Variants in HECTD4 observed in about 807,000 individuals in gnomAD.
The protein encoded by HECTD4 is HECT domain E3 ubiquitin protein ligase 4.
Under a neutral mutation model 471.5 loss-of-function variants are expected in HECTD4, and 114 were observed. The ratio of observed to expected loss-of-function variants is 0.24; its 90% confidence interval spans 0.21 to 0.28. The LOEUF (loss-of-function observed/expected upper bound fraction) is 0.28. HECTD4 is among the 10% of genes least tolerant of loss of function. The pLI is 1.00. For synonymous variants in HECTD4, 2,012 were observed against 2,256.0 expected (o/e 0.89, Z 3.07); for missense variants, 3,866 against 5,651.5 (o/e 0.68, Z 10.13).
chr12:112,164,387 G>A (rs1484642127), intron 72 of HECTD4, 112 bp from the exon 73 acceptor site: 7 of 1,096,090 alleles, frequency 6.4e-6, no homozygotes, highest in East Asian at 4.8e-5. Context: ...ACCCTCGGCC[G>A]TGTAGATGAG....
intron 60 of HECTD4, among the ~76,000 whole-genome samples, chr12:112,187,556 T>C (rs887347438): frequency 6.7e-6 from 1 of 148,876 alleles, no homozygotes; most frequent in Non-Finnish European, 1.5e-5. Flanking sequence ...TTTTTATGGG[T>C]ACCTGTTAGT....
intron 43 of HECTD4, among the ~76,000 whole-genome samples, chr12:112,227,552 C>A (rs1273580602): frequency 6.6e-6 from 1 of 152,220 alleles, no homozygotes; most frequent in African/African-American, 2.4e-5. Flanking sequence ...CCAACACCAA[C>A]CCCTGTGTGC....
chr12:112,302,771 G>A (rs2035191304), intron 7 of HECTD4: 4 of 289,142 alleles, frequency 1.4e-5, no homozygotes, highest in African/African-American at 6.6e-5. Flanking sequence ...TTGGTAGTCT[G>A]CTCTTTTTGT....
rs1414670819 is a variant in HECTD4, at chr12:112,243,408, C to T, written c.4903G>A (p.Gly1635Arg). The T allele has an allele frequency of 5.6e-6, 9 of 1,612,398 alleles. No homozygotes were observed. The highest frequency in any genetic ancestry group is 1.1e-5 in the South Asian group (1 of 90,704). ...RELLTAAVRV[G>R]GVTHLVGPVT... Reference sequence around the variant, plus strand: ...GGACCCACAAGATGCGTCACTCCCCCGACTCGTACGGCAGCTGTCAGCAAT... The same window carrying T: ...GGACCCACAAGATGCGTCACTCCCCTGACTCGTACGGCAGCTGTCAGCAAT... The change falls in exon 32 of 76, where the codon GGG becomes AGG. Residue 1635 changes from glycine (G) to arginine (R), a missense_variant. Around this residue, in one of 16 missense-constraint regions of HECTD4, gnomAD observed 229 missense variants for 386.4 expected, o/e 0.59. Transcript: ENST00000682272. The surrounding 1 kb of genome is among the most constrained non-coding windows in gnomAD (Gnocchi z 6.6).
intron 18 of HECTD4, among the ~76,000 whole-genome samples, chr12:112,260,166 G>A (rs1420583549): frequency 6.6e-6 from 1 of 151,934 alleles, no homozygotes. Context: ...TCTACTTTCT[G>A]TCTCTATGAT....
intron 1 of HECTD4, among the ~76,000 whole-genome samples, chr12:112,373,378 C>CA (rs1402894277): frequency 1.3e-5 from 2 of 151,878 alleles, no homozygotes; most frequent in Non-Finnish European, 2.9e-5. Context: ...ACTAAAAATA[C>CA]AAAAAATAGC....
rs2036909984 is a variant in HECTD4, at chr12:112,382,271, G to A, written c.-143C>T. 5.8e-6 allele frequency: 4 copies of A among 690,034 alleles called. No homozygotes were observed. The highest frequency in any genetic ancestry group is 7.9e-6 in the Non-Finnish European group (4 of 503,846). The allele number at this position is 690,034 out of a possible 1,614,324, so 42.7% of individuals were successfully genotyped here. ...CTTGCTGCCTCGCCCGTGCAACTCC[G>A]CCCTAGGCGGTCCGAGTCGCCATAC... On this transcript the variant is annotated 5_prime_UTR_variant, in exon 1 of 76. Transcript: ENST00000682272.
At chr12:112,335,137 C>T (rs2035924765) in intron 1 of HECTD4, among the ~76,000 whole-genome samples, 1 of 151,106 alleles carries the variant, frequency 6.6e-6, no homozygotes, top group Admixed American at 6.6e-5. Context: ...GATAAAGAAA[C>T]TGTGATACAC....
chr12:112,257,381 G>A (rs1166921617), intron 20 of HECTD4, among the ~76,000 whole-genome samples: 1 of 152,148 alleles, frequency 6.6e-6, no homozygotes, highest in Non-Finnish European at 1.5e-5. Context: ...TGCTGCTCTA[G>A]AGAAACCCAG....
intron 70 of HECTD4, among the ~76,000 whole-genome samples, chr12:112,168,944 A>G (rs1466132424): frequency 6.6e-6 from 1 of 152,156 alleles, no homozygotes; most frequent in Non-Finnish European, 1.5e-5. Context: ...GTGGGGGCAG[A>G]TCAGAGGAAA....
chr12:112,175,957 C>A (rs1338789400), intron 65 of HECTD4, 98 bp from the exon 66 acceptor site: 2 of 1,452,258 alleles, frequency 1.4e-6, no homozygotes, highest in Admixed American at 4.0e-5. Flanking sequence ...CCCCTACGGC[C>A]CAACCCATCT....
At chr12:112,335,238 A>T (rs1469546408) in intron 1 of HECTD4, among the ~76,000 whole-genome samples, 1 of 152,126 alleles carries the variant, frequency 6.6e-6, no homozygotes, top group Non-Finnish European at 1.5e-5. Context: ...AGCAACCTGG[A>T]TGGGACTGGA....
At chr12:112,275,437 T>C (rs1456073540) in intron 9 of HECTD4, among the ~76,000 whole-genome samples, 1 of 152,202 alleles carries the variant, frequency 6.6e-6, no homozygotes, top group Non-Finnish European at 1.5e-5. Flanking sequence ...TAGTGCAGTA[T>C]TAAAGAGCAT....
At position 112,256,428 on chromosome 12, in the gene HECTD4, G is replaced by A. The variant is rs1372534321; in HGVS notation, c.3219C>T (p.His1073=). Residue 1073 remains histidine (H), a synonymous_variant, in exon 21 of 76, where the codon CAC becomes CAT. Coordinates refer to ENST00000682272, the MANE Select transcript of HECTD4 (RefSeq NM_001388303.1). ...TAAATTTATAGTTGTCTCTGACGGGGTGGACTGTTTCCACAGTCTTTCCAG... is the reference window on the plus strand; with the variant it reads ...TAAATTTATAGTTGTCTCTGACGGGATGGACTGTTTCCACAGTCTTTCCAG... The part of the protein sequence containing the change: ...WAAGKTVETV[H]PVRDNYKFKE... The A allele has an allele frequency of 6.2e-7, 1 of 1,613,002 alleles. No individual in the cohort carries two copies. Among genetic ancestry groups the A allele is most frequent in the Admixed American group, 1.7e-5 (1 of 59,920 alleles).
At chr12:112,220,825 C>A (rs188545107) in intron 44 of HECTD4, among the ~76,000 whole-genome samples, 13 of 152,020 alleles carry the variant, frequency 8.6e-5, no homozygotes, top group Admixed American at 2.0e-4. Context: ...ATAAGAAGCA[C>A]CTGCCCTGGC....
chr12:112,260,607 C>T (rs906521442), intron 18 of HECTD4, among the ~76,000 whole-genome samples: 6 of 151,076 alleles, frequency 4.0e-5, no homozygotes, highest in South Asian at 4.2e-4. Context: ...GACAGAGTCT[C>T]GCTCTGTCAC....
Position 112,265,909 on chromosome 12 carries a change from G to A in HECTD4, c.2467C>T (p.Arg823Ter), listed in dbSNP as rs966626045. The A allele has an allele frequency of 1.2e-6, 2 of 1,613,676 alleles. No homozygotes were observed. The highest frequency in any genetic ancestry group is 1.1e-5 in the South Asian group (1 of 91,082). Residue 823 changes from arginine (R) to a stop codon, truncating the protein, a stop_gained, in exon 15 of 76, where the codon CGA (arginine) becomes TGA (stop). Transcript: ENST00000682272. LOFTEE classifies it high-confidence loss of function. ...TGATCATCCTCATCACTGCCAAATC[G>A]GTTGTTTTGGAGCTGTTCAGCCAGG... is the stretch of plus-strand genomic sequence containing the variant. ...TNLAEQLQNN[R>*]FGSDEDDHYR...
intron 51 of HECTD4, 21 bp downstream of exon 51, chr12:112,208,473 C>A (rs2135540597): frequency 1.9e-6 from 3 of 1,562,106 alleles, no homozygotes; most frequent in East Asian, 4.5e-5. Context: ...GAGTCCTGAT[C>A]TAAGCCTGTG....
chr12:112,330,341 T>C (rs1414757127), intron 1 of HECTD4, among the ~76,000 whole-genome samples: 1 of 152,054 alleles, frequency 6.6e-6, no homozygotes, highest in Non-Finnish European at 1.5e-5. Flanking sequence ...CTATTGTACA[T>C]TTTATTATTA....
Sources: gnomAD v4.1 joint callset for allele counts (sites outside exome capture counted in the v4.1 genomes callset) on GRCh38, gnomAD v4.1.1 for gene constraint, gnomAD v4.1.1 regional missense constraint, Gnocchi (gnomAD v3.1) non-coding constraint, MANE v1.5 for transcripts, NCBI Gene and HGNC (gene_info 2026-07-23, HGNC 2026-07-21) for gene names.